Variants in KCNH7 observed in about 807,000 individuals in gnomAD.
The protein encoded by KCNH7 is voltage-gated inwardly rectifying potassium channel KCNH7.
A neutral mutation model predicts 120.8 loss-of-function variants in KCNH7; 49 were observed. The observed-to-expected ratio is 0.41, with a 90% CI of 0.32 to 0.51. KCNH7 has a LOEUF of 0.51. Ranked by LOEUF, KCNH7 falls within the 20% of genes least tolerant of loss-of-function variation. The pLI is 0.38. For missense variants in KCNH7, 1,097 were observed against 1,446.6 expected (o/e 0.76, Z 3.92); for synonymous variants, 547 against 516.1 (o/e 1.06, Z -0.81).
rs187286251 is a variant in KCNH7 at position 162,595,534 on chromosome 2, A to G, written c.308-58454T>C. On this transcript the variant is annotated intron_variant, in intron 2 of 15. Transcript: ENST00000332142. The stretch of plus-strand genomic sequence containing the variant: ...AAATTCAACATCACTTCATGATAAA[A>G]TCTCTCAACAAAATAGGTATAGGAG... Among the ~76,000 whole-genome samples, 4 of 152,038 alleles carry G rather than the reference A, an allele frequency of 2.6e-5. No individual in the cohort carries two copies. In the East Asian group the frequency reaches 7.7e-4, roughly 29 times the overall value.
chr2:162,579,804 T>TA (rs2105914618), intron 2 of KCNH7, among the ~76,000 whole-genome samples: 1 of 151,478 alleles, frequency 6.6e-6, no homozygotes, highest in South Asian at 2.1e-4. Flanking sequence ...TAATCAAAGA[T>TA]AGAAAACACT....
intron 2 of KCNH7, among the ~76,000 whole-genome samples, chr2:162,569,012 C>T (rs113640716): frequency 0.011 from 1,607 of 151,946 alleles, 7 homozygotes; most frequent in Non-Finnish European, 0.016. Context: ...TGTCTCTGCC[C>T]GGCTTTGGTA....
At chr2:162,549,872 C>A (rs1003288231) in intron 2 of KCNH7, among the ~76,000 whole-genome samples, 18 of 152,104 alleles carry the variant, frequency 1.2e-4, no homozygotes, top group African/African-American at 3.6e-4. Flanking sequence ...TGTAACATCA[C>A]TAGGAAAACA....
intron 2 of KCNH7, among the ~76,000 whole-genome samples, chr2:162,780,597 G>T (rs981921732): frequency 4.6e-5 from 7 of 152,082 alleles, no homozygotes; most frequent in Non-Finnish European, 1.0e-4. Flanking sequence ...TTTAGACTCT[G>T]CAAAATCGTT....
At chr2:162,828,583 T>G (rs902135312) in intron 2 of KCNH7, among the ~76,000 whole-genome samples, 1 of 151,496 alleles carries the variant, frequency 6.6e-6, no homozygotes, top group Non-Finnish European at 1.5e-5. Flanking sequence ...CCTAAAGATC[T>G]CAAAAAAAGA....
intron 2 of KCNH7, among the ~76,000 whole-genome samples, chr2:162,728,038 G>A (rs1299063473): frequency 6.6e-6 from 1 of 152,114 alleles, no homozygotes; most frequent in African/African-American, 2.4e-5. Context: ...ATACCCAGGA[G>A]AGGAATTTCT....
intron 3 of KCNH7, among the ~76,000 whole-genome samples, chr2:162,526,759 A>G (rs1691719996): frequency 6.6e-6 from 1 of 152,030 alleles, no homozygotes; most frequent in Non-Finnish European, 1.5e-5. Context: ...TTGTGCAGTT[A>G]ACACAATCAT....
intron 2 of KCNH7, among the ~76,000 whole-genome samples, chr2:162,574,672 T>C (rs1369649925): frequency 1.3e-5 from 2 of 152,012 alleles, no homozygotes; most frequent in Non-Finnish European, 1.5e-5. Flanking sequence ...CCTTGGAGTT[T>C]GGAATAAAAA....
intron 2 of KCNH7, among the ~76,000 whole-genome samples, chr2:162,602,460 A>G (rs12465638): frequency 0.042 from 6,385 of 152,130 alleles, 257 homozygotes; most frequent in East Asian, 0.13. Flanking sequence ...GCTACTTTTT[A>G]AACTTTGTTT....
At chr2:162,606,266 C>A (rs922881810) in intron 2 of KCNH7, among the ~76,000 whole-genome samples, 2 of 151,760 alleles carry the variant, frequency 1.3e-5, no homozygotes, top group Middle Eastern at 3.2e-3. Context: ...CCAGGAGAAA[C>A]AAAGAGTATA....
chr2:162,621,252 CTTTT>C (rs35494887), intron 2 of KCNH7, among the ~76,000 whole-genome samples: 5 of 52,116 alleles, frequency 9.6e-5, no homozygotes, highest in Non-Finnish European at 1.6e-4. Flanking sequence ...GTATCATCAT[CTTTT>C]TTTTTTTTTT....
intron 9 of KCNH7, among the ~76,000 whole-genome samples, chr2:162,421,697 T>C (rs1454445823): frequency 6.6e-6 from 1 of 152,158 alleles, no homozygotes; most frequent in Non-Finnish European, 1.5e-5. Flanking sequence ...CATAAGTACA[T>C]TGTAAATAGG....
chr2:162,630,517 A>G (rs1263310171), intron 2 of KCNH7, among the ~76,000 whole-genome samples: 3 of 152,100 alleles, frequency 2.0e-5, no homozygotes, highest in Non-Finnish European at 2.9e-5. Context: ...AAAAAATGTA[A>G]TGTCATTACA....
intron 2 of KCNH7, among the ~76,000 whole-genome samples, chr2:162,817,310 A>G (rs72875492): frequency 0.055 from 8,314 of 152,200 alleles, 299 homozygotes; most frequent in South Asian, 0.11. Context: ...ATGTAATTAG[A>G]GATATGCAAT....
At chr2:162,501,936 C>T (rs1275934554) in intron 6 of KCNH7, 1 of 151,902 alleles carries the variant, frequency 6.6e-6, no homozygotes, top group Non-Finnish European at 1.5e-5. Context: ...TTGAAAGTCA[C>T]AGGGCTTTTA....
chr2:162,786,369 C>G (rs1265954586), intron 2 of KCNH7, among the ~76,000 whole-genome samples: 1 of 151,826 alleles, frequency 6.6e-6, no homozygotes, highest in African/African-American at 2.4e-5. Context: ...CATTATGTAG[C>G]TACAATTACC....
At chr2:162,612,833 A>C (rs1683014411) in intron 2 of KCNH7, among the ~76,000 whole-genome samples, 2 of 152,042 alleles carry the variant, frequency 1.3e-5, no homozygotes, top group Non-Finnish European at 1.5e-5. Context: ...AATAATTAAA[A>C]TGGAAAATCC....
At chr2:162,405,078 G>T (rs80300352) in intron 9 of KCNH7, among the ~76,000 whole-genome samples, 2 of 151,940 alleles carry the variant, frequency 1.3e-5, no homozygotes, top group East Asian at 1.9e-4. Context: ...ATACTGGCTT[G>T]TATGGGGAAA....
chr2:162,735,758 A>T (rs989366046), intron 2 of KCNH7, among the ~76,000 whole-genome samples: 5 of 152,168 alleles, frequency 3.3e-5, no homozygotes, highest in African/African-American at 1.2e-4. Context: ...AATACCTCTT[A>T]TCCTTCACTC....
Sources: gnomAD v4.1 joint callset for allele counts (sites outside exome capture counted in the v4.1 genomes callset) on GRCh38, gnomAD v4.1.1 for gene constraint, MANE v1.5 for transcripts, NCBI Gene and HGNC (gene_info 2026-07-23, HGNC 2026-07-21) for gene names.